ATE1: variants seen among roughly 807,000 people sequenced by gnomAD.
The protein encoded by ATE1 is arginyltransferase 1, also known as arginyl-tRNA--protein transferase 1.
In ATE1, 36 loss-of-function variants were observed where a neutral mutation model predicts 70.5. That is an observed-to-expected ratio of 0.51 (90% CI 0.39 to 0.67). The LOEUF is 0.67. ATE1 is among the 30% of genes least tolerant of loss of function. ATE1 has a pLI of 0.00. For synonymous variants in ATE1, 232 were observed against 219.3 expected, an observed-to-expected ratio of 1.06 and a Z score of -0.51; for missense variants, 593 against 629.5, an observed-to-expected ratio of 0.94 and a Z score of 0.62.
intron 7 of ATE1, among the ~76,000 whole-genome samples, chr10:121,886,449 CAGTGTG>C (rs1950402459): frequency 6.6e-6 from 1 of 152,054 alleles, no homozygotes. Flanking sequence ...TACATGGTCC[CAGTGTG>C]AGTGTGGGTG....
chr10:121,777,288 ATAATGT>A (rs1945787592), intron 11 of ATE1, among the ~76,000 whole-genome samples: 1 of 152,236 alleles, frequency 6.6e-6, no homozygotes, highest in African/African-American at 2.4e-5. Flanking sequence ...TTAGGTATAA[ATAATGT>A]TAATGTGAAT....
At chr10:121,859,441 A>C (rs1949388603) in intron 8 of ATE1, among the ~76,000 whole-genome samples, 1 of 151,572 alleles carries the variant, frequency 6.6e-6, no homozygotes, top group Non-Finnish European at 1.5e-5. Context: ...TATTTTTAGT[A>C]GAGACGGGGT....
At chr10:121,836,852 T>A in intron 9 of ATE1, 35 bp from the exon 10 acceptor site, 1 of 1,308,332 alleles carries the variant, frequency 7.6e-7, no homozygotes. Context: ...TGAAGGCAGT[T>A]AATTCTGGTT....
At chr10:121,745,903 A>C (rs930146090) in intron 11 of ATE1, among the ~76,000 whole-genome samples, 3 of 152,236 alleles carry the variant, frequency 2.0e-5, no homozygotes, top group Non-Finnish European at 4.4e-5. Context: ...AATGTTATAC[A>C]CAACTATTAA....
At chr10:121,864,138 A>T (rs1949576313) in intron 8 of ATE1, among the ~76,000 whole-genome samples, 1 of 152,204 alleles carries the variant, frequency 6.6e-6, no homozygotes, top group African/African-American at 2.4e-5. Flanking sequence ...GTTCCCAAAG[A>T]GCTCATTAGC....
chr10:121,798,606 G>A (rs1946750127), intron 10 of ATE1, among the ~76,000 whole-genome samples: 1 of 152,112 alleles, frequency 6.6e-6, no homozygotes, highest in Non-Finnish European at 1.5e-5. Context: ...ACTTTAAAAA[G>A]TAATGAAGAC....
chr10:121,894,398 G>A (rs1950695716), intron 7 of ATE1, among the ~76,000 whole-genome samples: 1 of 152,162 alleles, frequency 6.6e-6, no homozygotes, highest in Admixed American at 6.5e-5. Context: ...AAGGTAAAAG[G>A]AGGAAAAAGA....
rs565983219 is a variant in ATE1, at chr10:121,841,186, A to G, written c.1053T>C (p.Ile351=). 3.6e-5 allele frequency: 57 copies of G among 1,600,906 alleles called. 2 individuals are homozygous for G. The East Asian group carries it at 1.1e-3, about 31-fold the overall frequency. ...HQQYWLDGKI[I]AVGVIDILPN... ...GGAGGATGTCAATCACCCCCACAGC[A>G]ATGATCTTTCCGTCAAGCCAGTACT... The change falls in exon 9 of 12, where the codon ATT becomes ATC. Residue 351 remains isoleucine (I), a synonymous_variant. Coordinates refer to ENST00000224652, the MANE Select transcript of ATE1 (RefSeq NM_001001976.3).
At chr10:121,764,969 T>C (rs898195449) in intron 11 of ATE1, among the ~76,000 whole-genome samples, 2 of 152,210 alleles carry the variant, frequency 1.3e-5, no homozygotes, top group Non-Finnish European at 2.9e-5. Context: ...AGGGCTATCA[T>C]TACTGTCGAT....
intron 10 of ATE1, among the ~76,000 whole-genome samples, chr10:121,802,195 T>G (rs1043820941): frequency 8.5e-5 from 13 of 152,084 alleles, no homozygotes; most frequent in Non-Finnish European, 1.6e-4. Flanking sequence ...TGTATCTGAG[T>G]CCATGGCACA....
intron 11 of ATE1, among the ~76,000 whole-genome samples, chr10:121,754,048 C>T (rs1183149313): frequency 6.6e-6 from 1 of 152,154 alleles, no homozygotes; most frequent in Non-Finnish European, 1.5e-5. Flanking sequence ...AAGGAGAAGA[C>T]TAGAACAAAC....
At chr10:121,915,926 C>A (rs1179487974) in intron 3 of ATE1, among the ~76,000 whole-genome samples, 9 of 144,944 alleles carry the variant, frequency 6.2e-5, no homozygotes, top group African/African-American at 1.8e-4. Context: ...CAAAAAAAAA[C>A]AAGAAAAAGA....
At chr10:121,926,972 G>T in intron 1 of ATE1, 1 of 985,376 alleles carries the variant, frequency 1.0e-6, no homozygotes, top group Non-Finnish European at 1.2e-6. Context: ...CACCGTTATC[G>T]ACCAAATCAT....
Position 121,836,827 on chromosome 10 carries a change from G to GA in ATE1, c.1158-11dup, listed in dbSNP as rs1218350755. 24 of 1,549,146 alleles carry GA rather than the reference G, an allele frequency of 1.5e-5. No homozygotes were observed. Among genetic ancestry groups the GA allele is most frequent in the Non-Finnish European group, 2.1e-5 (24 of 1,132,564 alleles). ...AGTAAAAGCAATTTCTCTGCGAAAA[G>GA]AAAAAGAAGAAAGCTGAAGGCAGTT... On this transcript the variant is annotated splice_polypyrimidine_tract_variant and intron_variant, in intron 9 of 11. Transcript: ENST00000224652.
intron 10 of ATE1, among the ~76,000 whole-genome samples, chr10:121,802,353 G>A (rs749505071): frequency 6.6e-5 from 10 of 151,466 alleles, no homozygotes; most frequent in Non-Finnish European, 1.5e-4. Flanking sequence ...CTGTTGCCCA[G>A]GTTGGAGTGC....
chr10:121,760,559 C>T (rs1022933413), intron 11 of ATE1, among the ~76,000 whole-genome samples: 2 of 152,186 alleles, frequency 1.3e-5, no homozygotes, highest in South Asian at 2.1e-4. Context: ...TCACAAAATG[C>T]TGCAATCTCA....
rs954841974 is a variant in ATE1 at position 121,802,177 on chromosome 10, C to A, written c.1258-11888G>T. ...CAAAGCTCTCCAGTCGAGAGATAAC[C>A]TGTACCATGTATCTGAGTCCATGGC... On this transcript the variant is annotated intron_variant, in intron 10 of 11. Coordinates refer to ENST00000224652, the MANE Select transcript of ATE1 (RefSeq NM_001001976.3). Among the ~76,000 whole-genome samples, 7 of 152,282 alleles carry A rather than the reference C, an allele frequency of 4.6e-5. No homozygotes were observed. The East Asian group carries it at 1.2e-3, about 25-fold the overall frequency.
chr10:121,869,871 A>G, intron 8 of ATE1, 135 bp downstream of exon 8: 4 of 730,348 alleles, frequency 5.5e-6, no homozygotes, highest in Non-Finnish European at 4.3e-6. Flanking sequence ...AACTCACTCC[A>G]TTACTGTTAT....
intron 11 of ATE1, among the ~76,000 whole-genome samples, chr10:121,745,066 C>G (rs1449822583): frequency 6.6e-6 from 1 of 151,962 alleles, no homozygotes; most frequent in Non-Finnish European, 1.5e-5. Flanking sequence ...CTTCATGGAA[C>G]AAAACTGCCA....
Sources: gnomAD v4.1 joint callset for allele counts (sites outside exome capture counted in the v4.1 genomes callset) on GRCh38, gnomAD v4.1.1 for gene constraint, MANE v1.5 for transcripts, NCBI Gene and HGNC (gene_info 2026-07-23, HGNC 2026-07-21) for gene names.